TRMT9B: variants seen among roughly 807,000 people sequenced by gnomAD.
TRMT9B encodes tRNA methyltransferase 9B (putative).
In TRMT9B, 16 loss-of-function variants were observed where a neutral mutation model predicts 11.5. That is an observed-to-expected ratio of 1.39 (90% CI 0.94 to 2.11). TRMT9B has a LOEUF of 2.11. TRMT9B is among the 30% of genes most tolerant of loss of function. TRMT9B has a pLI of 0.00. For synonymous variants in TRMT9B, 274 were observed against 192.4 expected, an observed-to-expected ratio of 1.42 and a Z score of -3.51; for missense variants, 941 against 553.8, an observed-to-expected ratio of 1.70 and a Z score of -7.02.
rs149120325 is a variant in TRMT9B, at chr8:13,025,126, T to C, written c.*3082T>C. On this transcript the variant is annotated 3_prime_UTR_variant, in exon 5 of 5. Coordinates refer to ENST00000524591, the MANE Select transcript of TRMT9B (RefSeq NM_020844.3). ...CTTATTAATACTAGATCACACAGTG[T>C]CTTTCTTATTCCTTCTTCTTTACTT... The C allele has an allele frequency of 8.5e-4, 142 of 167,040 alleles. No homozygotes were observed. Among genetic ancestry groups the C allele is most frequent in the African/African-American group, 2.8e-3 (116 of 41,522 alleles). 10.3% of individuals were successfully genotyped at this position (167,040 alleles called of 1,614,324 possible). A position where few individuals can be genotyped will look rare whatever the true frequency, so the allele number is the denominator to read the frequency against.
chr8:13,028,415 G>T lies in TRMT9B; in HGVS notation c.*6371G>T, dbSNP rs143946141. The T allele has an allele frequency of 1.2e-5, 2 of 166,896 alleles. No individual in the cohort carries two copies. The highest frequency in any genetic ancestry group is 4.8e-5 in the African/African-American group (2 of 41,388). 10.3% of individuals were successfully genotyped at this position (166,896 alleles called of 1,614,324 possible). ...ATACATTTTCTCCACATGGAATATT[G>T]ATTTTTCTATGAATATTACCTCCAC... On this transcript the variant is annotated 3_prime_UTR_variant, in exon 5 of 5. Transcript: ENST00000524591.
chr8:13,027,768 C>T lies in TRMT9B; in HGVS notation c.*5724C>T, dbSNP rs185423622. The T allele has an allele frequency of 1.8e-5, 3 of 166,084 alleles. No homozygotes were observed. In the East Asian group the frequency reaches 5.9e-4, roughly 33 times the overall value. 10.3% of individuals were successfully genotyped at this position (166,084 alleles called of 1,614,324 possible). On this transcript the variant is annotated 3_prime_UTR_variant, in exon 5 of 5. Coordinates refer to ENST00000524591, the MANE Select transcript of TRMT9B (RefSeq NM_020844.3). ...TATGAGGTAAGCGTTATTATACACC[C>T]GTCCAGCAGATGGGAAAACCACGGA...
At chr8:12,975,294 C>T (rs1437022590) in intron 1 of TRMT9B, among the ~76,000 whole-genome samples, 3 of 152,050 alleles carry the variant, frequency 2.0e-5, no homozygotes, top group Non-Finnish European at 4.4e-5. Flanking sequence ...GTCCACTCCC[C>T]TGAACGATAT....
chr8:13,017,614 C>T (rs376152781), intron 4 of TRMT9B, among the ~76,000 whole-genome samples: 17 of 117,530 alleles, frequency 1.4e-4, no homozygotes, highest in East Asian at 7.4e-4. Context: ...CATTTGTAGG[C>T]TTTTTTTTTT....
rs979027507 is a variant in TRMT9B at position 13,028,050 on chromosome 8, G to A, written c.*6006G>A. On this transcript the variant is annotated 3_prime_UTR_variant, in exon 5 of 5. Coordinates refer to ENST00000524591, the MANE Select transcript of TRMT9B (RefSeq NM_020844.3). ...CATGAGAGCACAATCAGAAACTGAA[G>A]AGAGTTGATCAAAGAGAAGATTCTA... is the stretch of plus-strand genomic sequence containing the variant. The A allele has an allele frequency of 3.6e-5, 6 of 167,016 alleles. No homozygotes were observed. The highest frequency in any genetic ancestry group is 1.3e-4 in the Admixed American group (2 of 15,282). 10.3% of individuals were successfully genotyped at this position (167,016 alleles called of 1,614,324 possible).
chr8:13,006,563 C>A, intron 3 of TRMT9B: 2 of 1,421,952 alleles, frequency 1.4e-6, no homozygotes, highest in South Asian at 1.6e-5. Context: ...TAATAGGAAT[C>A]CTGAAATTGC....
In TRMT9B at chr8:13,029,507, T is replaced by C. The variant is rs116592834; in HGVS notation, c.*7463T>C. 1,654 of 167,068 alleles carry C rather than the reference T, an allele frequency of 9.9e-3. 19 individuals are homozygous for C. Among genetic ancestry groups the C allele is most frequent in the African/African-American group, 0.022 (933 of 41,558 alleles). The allele number at this position is 167,068 out of a possible 1,614,324, so 10.3% of individuals were successfully genotyped here. ...TGTATTCAATTATTTAAGTTAAGTA[T>C]CAGTGTATTTTTAAAAAGTGTTCCC... On this transcript the variant is annotated 3_prime_UTR_variant, in exon 5 of 5. Transcript: ENST00000524591.
At position 13,024,340 on chromosome 8, in the gene TRMT9B, GC is replaced by G. The variant is rs1441584552; in HGVS notation, c.*2298del. ...TTACAGGCGTGAGCCACCGCGCCCG[GC>G]CTGTTCCTTTTATTTCTTAATTCAG... is the stretch of plus-strand genomic sequence containing the variant. On this transcript the variant is annotated 3_prime_UTR_variant, in exon 5 of 5. Coordinates refer to ENST00000524591, the MANE Select transcript of TRMT9B (RefSeq NM_020844.3). 6.0e-6 allele frequency: 1 copy of G among 166,982 alleles called. No homozygotes were observed. The highest frequency in any genetic ancestry group is 1.5e-5 in the Non-Finnish European group (1 of 68,164). 10.3% of individuals were successfully genotyped at this position (166,982 alleles called of 1,614,324 possible). A position where few individuals can be genotyped will look rare whatever the true frequency, so the allele number is the denominator to read the frequency against.
intron 1 of TRMT9B, among the ~76,000 whole-genome samples, chr8:12,961,102 C>G (rs1283472819): frequency 6.6e-6 from 1 of 152,088 alleles, no homozygotes; most frequent in East Asian, 1.9e-4. Context: ...GATTGCACCA[C>G]TGCACTCCAG....
At chr8:13,010,201 C>T (rs1346130796) in intron 3 of TRMT9B, 4 of 847,946 alleles carry the variant, frequency 4.7e-6, no homozygotes, top group Admixed American at 6.3e-5. Flanking sequence ...TCAACAACTA[C>T]ATCTATAGTA....
At chr8:12,962,049 A>C (rs1802189832) in intron 1 of TRMT9B, 1 of 152,288 alleles carries the variant, frequency 6.6e-6, no homozygotes, top group Non-Finnish European at 1.5e-5. Context: ...CTGCAATGCC[A>C]ACCATCCACA....
intron 2 of TRMT9B, among the ~76,000 whole-genome samples, chr8:12,992,018 A>G (rs887192561): frequency 1.3e-5 from 2 of 152,216 alleles, no homozygotes; most frequent in African/African-American, 4.8e-5. Context: ...CTTTCCTCCA[A>G]GTGCCCATTG....
At chr8:12,947,032 A>G (rs1279257274) in intron 1 of TRMT9B, among the ~76,000 whole-genome samples, 2 of 152,276 alleles carry the variant, frequency 1.3e-5, no homozygotes, top group East Asian at 3.9e-4. Flanking sequence ...CAGCCCGTGA[A>G]CATCCCAAAA....
rs190578319 is a variant in TRMT9B at position 13,027,841 on chromosome 8, T to C, written c.*5797T>C. On this transcript the variant is annotated 3_prime_UTR_variant, in exon 5 of 5. Transcript: ENST00000524591. ...TTAACAGACCCTCCACCAACCGTAA[T>C]GCTTAACTCCTCTTGTTCCAATCTT... 2 of 167,208 alleles carry C rather than the reference T, an allele frequency of 1.2e-5. No homozygotes were observed. Among genetic ancestry groups the C allele is most frequent in the African/African-American group, 4.8e-5 (2 of 41,572 alleles). The allele number at this position is 167,208 out of a possible 1,614,324, so 10.4% of individuals were successfully genotyped here.
At chr8:12,948,426 T>C (rs974208051) in intron 1 of TRMT9B, among the ~76,000 whole-genome samples, 3 of 148,280 alleles carry the variant, frequency 2.0e-5, no homozygotes, top group African/African-American at 7.3e-5. Flanking sequence ...ATATATAATA[T>C]ATTCTGTTAT....
chr8:12,988,556 A>G (rs1806743404), intron 1 of TRMT9B, among the ~76,000 whole-genome samples: 1 of 152,144 alleles, frequency 6.6e-6, no homozygotes, highest in South Asian at 2.1e-4. Flanking sequence ...AAGGGGAAGC[A>G]AACATATCCT....
intron 1 of TRMT9B, among the ~76,000 whole-genome samples, chr8:12,990,394 A>G (rs1446205406): frequency 1.3e-5 from 2 of 152,226 alleles, no homozygotes; most frequent in Admixed American, 6.5e-5. Flanking sequence ...AAAAATGTGA[A>G]CAATGATGAA....
chr8:12,964,006 A>G (rs1011854905), intron 1 of TRMT9B, among the ~76,000 whole-genome samples: 5 of 152,138 alleles, frequency 3.3e-5, no homozygotes, highest in Admixed American at 1.3e-4. Flanking sequence ...GGTTTTGTAA[A>G]CCATTCACTT....
chr8:12,982,976 G>T (rs188264425), intron 1 of TRMT9B, among the ~76,000 whole-genome samples: 1 of 152,304 alleles, frequency 6.6e-6, no homozygotes, highest in African/African-American at 2.4e-5. Flanking sequence ...TAATAAAATG[G>T]CATGTGTTCA....
Sources: gnomAD v4.1 joint callset for allele counts (sites outside exome capture counted in the v4.1 genomes callset) on GRCh38, gnomAD v4.1.1 for gene constraint, MANE v1.5 for transcripts, NCBI Gene and HGNC (gene_info 2026-07-23, HGNC 2026-07-21) for gene names.